The following SCLT1 variants were observed in gnomAD, a reference collection of about 807,000 sequenced individuals.
The protein encoded by SCLT1 is sodium channel and clathrin linker 1.
A neutral mutation model predicts 112.8 loss-of-function variants in SCLT1; 78 were observed. The ratio of observed to expected loss-of-function variants is 0.69; its 90% confidence interval spans 0.58 to 0.83. The LOEUF is 0.83. SCLT1 is among the 40% of genes least tolerant of loss of function. SCLT1 has a pLI of 0.00. For missense variants in SCLT1, 747 were observed against 770.4 expected (o/e 0.97, Z 0.36); for synonymous variants, 257 against 254.7 (o/e 1.01, Z -0.09).
intron 9 of SCLT1, among the ~76,000 whole-genome samples, chr4:128,976,195 A>C (rs1328802683): frequency 6.6e-6 from 1 of 152,220 alleles, no homozygotes; most frequent in Non-Finnish European, 1.5e-5. Flanking sequence ...TTCACATCAT[A>C]TATGGATAGG....
At chr4:128,935,444 T>A (rs1016338892) in intron 18 of SCLT1, among the ~76,000 whole-genome samples, 3 of 152,084 alleles carry the variant, frequency 2.0e-5, no homozygotes, top group African/African-American at 7.2e-5. Flanking sequence ...AAGAGCATAG[T>A]GTCTTTACCC....
chr4:129,014,217 A>G (rs778756190), intron 5 of SCLT1, among the ~76,000 whole-genome samples: 1 of 151,984 alleles, frequency 6.6e-6, no homozygotes, highest in African/African-American at 2.4e-5. Flanking sequence ...GCATTGTTTT[A>G]TCATCGTTCT....
At chr4:128,972,654 T>C (rs17013989) in intron 9 of SCLT1, among the ~76,000 whole-genome samples, 2,857 of 152,328 alleles carry the variant, frequency 0.019, 97 homozygotes, top group African/African-American at 0.061. Flanking sequence ...TTCAATCTAA[T>C]TGGCCTGAGT....
chr4:129,003,319 G>C (rs1003908391), intron 6 of SCLT1, among the ~76,000 whole-genome samples: 2 of 151,440 alleles, frequency 1.3e-5, no homozygotes, highest in African/African-American at 4.9e-5. Flanking sequence ...AGCATTAGGA[G>C]AAATACCTAA....
rs117992655 is a variant in SCLT1 at position 128,989,117 on chromosome 4, A to G, written c.686+3050T>C. ...AAACATCAGATTAAATTTGTACTAT[A>G]GACTACATTGACCTAATAAACATTT... is the stretch of plus-strand genomic sequence containing the variant. On this transcript the variant is annotated intron_variant, in intron 9 of 20. Coordinates refer to ENST00000281142, the MANE Select transcript of SCLT1 (RefSeq NM_144643.4). Among the ~76,000 whole-genome samples, 118 of 152,042 alleles carry G rather than the reference A, an allele frequency of 7.8e-4. 3 individuals are homozygous for G. In the East Asian group the frequency reaches 0.021, roughly 27 times the overall value.
At chr4:128,945,561 C>T (rs954305475) in intron 16 of SCLT1, among the ~76,000 whole-genome samples, 1 of 151,962 alleles carries the variant, frequency 6.6e-6, no homozygotes, top group East Asian at 1.9e-4. Flanking sequence ...TTAGGTAATA[C>T]CGTCGGGGTG....
At chr4:128,958,903 G>T (rs569530213) in intron 12 of SCLT1, among the ~76,000 whole-genome samples, 12 of 151,978 alleles carry the variant, frequency 7.9e-5, no homozygotes, top group African/African-American at 2.7e-4. Context: ...CTGTAAAAAG[G>T]GAAATAAAAA....
chr4:128,958,244 A>G (rs746529656), intron 12 of SCLT1, among the ~76,000 whole-genome samples: 2 of 152,166 alleles, frequency 1.3e-5, no homozygotes, highest in Non-Finnish European at 2.9e-5. Flanking sequence ...TTAAGATAAA[A>G]TTCCTCCACC....
At chr4:129,067,238 A>AG (rs1258572503) in intron 2 of SCLT1, among the ~76,000 whole-genome samples, 3 of 151,850 alleles carry the variant, frequency 2.0e-5, no homozygotes, top group Admixed American at 1.3e-4. Flanking sequence ...TCTAAACATG[A>AG]GAAAAAAAAA....
intron 19 of SCLT1, among the ~76,000 whole-genome samples, chr4:128,890,311 C>A (rs536008923): frequency 2.0e-5 from 3 of 151,764 alleles, no homozygotes; most frequent in Non-Finnish European, 4.4e-5. Flanking sequence ...GTACTGAGTA[C>A]CTTCTTTCAA....
At chr4:128,930,082 C>T (rs1396041443) in intron 18 of SCLT1, among the ~76,000 whole-genome samples, 1 of 151,988 alleles carries the variant, frequency 6.6e-6, no homozygotes, top group African/African-American at 2.4e-5. Context: ...CCCTAAAACC[C>T]CTTACTGTTA....
chr4:128,904,583 T>C (rs555738970), intron 18 of SCLT1, among the ~76,000 whole-genome samples: 65 of 152,298 alleles, frequency 4.3e-4, no homozygotes, highest in African/African-American at 1.5e-3. Flanking sequence ...CCCATCTTTA[T>C]GTCCACGTTG....
At chr4:128,911,889 G>C (rs1735123806) in intron 18 of SCLT1, among the ~76,000 whole-genome samples, 1 of 152,210 alleles carries the variant, frequency 6.6e-6, no homozygotes, top group African/African-American at 2.4e-5. Flanking sequence ...GAGGCAAACA[G>C]CCAAGTACTT....
At chr4:128,940,684 A>G in intron 17 of SCLT1, among the ~76,000 whole-genome samples, 1 of 151,964 alleles carries the variant, frequency 6.6e-6, no homozygotes, top group Non-Finnish European at 1.5e-5. Context: ...TCATAAATAA[A>G]AGCAATTATG....
chr4:128,880,792 G>A (rs147725933), downstream of SCLT1, among the ~76,000 whole-genome samples: 2 of 152,230 alleles, frequency 1.3e-5, no homozygotes, highest in East Asian at 1.9e-4. Context: ...TAACTACAGT[G>A]ACCCTCGAAG....
chr4:129,061,003 T>A (rs1469530862), intron 2 of SCLT1, among the ~76,000 whole-genome samples: 1 of 152,094 alleles, frequency 6.6e-6, no homozygotes, highest in Non-Finnish European at 1.5e-5. Context: ...TGTGGTTCTA[T>A]CCCTGGGTGG....
At chr4:128,949,968 AT>A (rs2125999491) in intron 14 of SCLT1, among the ~76,000 whole-genome samples, 1 of 87,202 alleles carries the variant, frequency 1.1e-5, no homozygotes, top group South Asian at 3.3e-4. Context: ...ATGTTTTTAA[AT>A]TTTAAAGTAA....
rs73850039 is a variant in SCLT1 at position 128,936,738 on chromosome 4, C to T, written c.1746G>A (p.Ala582=). The change falls in exon 18 of 21, where the codon GCG becomes GCA. Residue 582 remains alanine, a synonymous_variant. Transcript: ENST00000281142. ...ACCTATTGGCTGCCTTCTGTTGAGT[C>T]GCTAGGAGATGCCTCAGTTCAACAA... ...NSIVELRHLL[A]TQQKAANRWK... is the part of the protein sequence containing the mutation. 1.2e-3 allele frequency: 1,984 copies of T among 1,612,834 alleles called. 4 individuals are homozygous for T. The highest frequency in any genetic ancestry group is 0.011 in the African/African-American group (815 of 74,958).
At chr4:129,062,925 T>C (rs986506434) in intron 2 of SCLT1, among the ~76,000 whole-genome samples, 32 of 152,374 alleles carry the variant, frequency 2.1e-4, no homozygotes, top group African/African-American at 7.7e-4. Context: ...TCCAGACGTC[T>C]CCCAAGATTT....
Sources: allele counts gnomAD v4.1 joint callset (sites outside exome capture counted in the v4.1 genomes callset), GRCh38; gene constraint gnomAD v4.1.1; transcripts MANE v1.5; gene names NCBI Gene and HGNC (gene_info 2026-07-23, HGNC 2026-07-21).